CLASP2: variants seen among roughly 807,000 people sequenced by gnomAD.
CLASP2 encodes CLIP-associating protein 2.
CLASP2 carries 47 observed loss-of-function variants against 194.4 expected under a neutral mutation model. The observed-to-expected ratio is 0.24, with a 90% CI of 0.19 to 0.31. CLASP2 has a LOEUF of 0.31. Among genes scored for constraint, CLASP2 ranks in the 10% least tolerant of loss-of-function variants. CLASP2 has a pLI of 1.00. For synonymous variants in CLASP2, 619 were observed against 633.5 expected (o/e 0.98, Z 0.34); for missense variants, 1,445 against 1,823.6 (o/e 0.79, Z 3.78).
chr3:33,499,208 A>G (rs1397427677), intron 38 of CLASP2, among the ~76,000 whole-genome samples: 2 of 152,054 alleles, frequency 1.3e-5, no homozygotes, highest in Non-Finnish European at 2.9e-5. Flanking sequence ...CAGCTCTCCC[A>G]TTCTTCTCCT....
chr3:33,608,814 G>A (rs147080215), intron 13 of CLASP2, among the ~76,000 whole-genome samples, 188 bp from the exon 14 acceptor site: 33 of 142,448 alleles, frequency 2.3e-4, no homozygotes, highest in African/African-American at 6.3e-4. Flanking sequence ...GTGCAGTGGC[G>A]CGATCTCGGC....
At chr3:33,701,967 G>A (rs376129840) in intron 1 of CLASP2, among the ~76,000 whole-genome samples, 149 of 152,110 alleles carry the variant, frequency 9.8e-4, no homozygotes, top group African/African-American at 3.5e-3. Context: ...AAGATTCTTG[G>A]AGACAACATA....
chr3:33,501,614 T>C lies in CLASP2; in HGVS notation c.4434+38A>G, dbSNP rs763003262. 4.7e-6 allele frequency: 6 copies of C among 1,263,902 alleles called. No homozygotes were observed. In the South Asian group the frequency reaches 7.2e-5, roughly 15 times the overall value. 78.3% of individuals were successfully genotyped at this position (1,263,902 alleles called of 1,614,324 possible). Reference sequence around the variant, plus strand: ...TGTAACTAAGTTTTGAAAGATGTACTATGGCCACCATCTCTAAAACACAGC... The same window carrying C: ...TGTAACTAAGTTTTGAAAGATGTACCATGGCCACCATCTCTAAAACACAGC... On this transcript the variant is annotated intron_variant, in intron 38 of 38. Coordinates refer to ENST00000682230, the MANE Select transcript of CLASP2 (RefSeq NM_001365631.1).
At chr3:33,689,493 G>A (rs2091097098) in intron 3 of CLASP2, among the ~76,000 whole-genome samples, 1 of 151,808 alleles carries the variant, frequency 6.6e-6, no homozygotes, top group African/African-American at 2.4e-5. Flanking sequence ...GAACAATATA[G>A]CATTCAGTGT....
chr3:33,704,142 A>G (rs763314336), intron 1 of CLASP2, among the ~76,000 whole-genome samples: 10 of 152,238 alleles, frequency 6.6e-5, no homozygotes, highest in Non-Finnish European at 1.3e-4. Flanking sequence ...ACTATTCTGC[A>G]TAATACTATA....
intron 20 of CLASP2, among the ~76,000 whole-genome samples, chr3:33,593,637 C>A (rs2154240719): frequency 6.6e-6 from 1 of 152,220 alleles, no homozygotes; most frequent in African/African-American, 2.4e-5. Context: ...CTAATGAGCC[C>A]ATGGTTCAGG....
intron 7 of CLASP2, among the ~76,000 whole-genome samples, chr3:33,658,374 T>C (rs2084680587): frequency 6.6e-6 from 1 of 152,234 alleles, no homozygotes; most frequent in African/African-American, 2.4e-5. Flanking sequence ...AATGTGTTTT[T>C]AAAATTATCC....
chr3:33,631,406 T>C (rs1041969648), intron 9 of CLASP2, among the ~76,000 whole-genome samples: 10 of 152,228 alleles, frequency 6.6e-5, no homozygotes, highest in African/African-American at 2.4e-4. Context: ...TACAAAAATA[T>C]TCATTGCAGG....
intron 15 of CLASP2, among the ~76,000 whole-genome samples, chr3:33,607,176 A>G (rs2074056543): frequency 6.6e-6 from 1 of 152,248 alleles, no homozygotes; most frequent in Non-Finnish European, 1.5e-5. Context: ...GTTATGACAA[A>G]AAAAGAATAC....
chr3:33,540,409 A>C (rs1297902368), intron 32 of CLASP2, among the ~76,000 whole-genome samples: 1 of 151,564 alleles, frequency 6.6e-6, no homozygotes, highest in Non-Finnish European at 1.5e-5. Context: ...GCTGATTTAA[A>C]AAAATTTTTT....
Position 33,516,014 on chromosome 3 carries a change from G to A in CLASP2, c.4110+9C>T. On this transcript the variant is annotated intron_variant, in intron 36 of 38. Coordinates refer to ENST00000682230, the MANE Select transcript of CLASP2 (RefSeq NM_001365631.1). ...AATGGAATAATACTTTACCGGCCAG[G>A]TAACTTACCTCCTTATGAGGATCTT... is the stretch of plus-strand genomic sequence containing the variant. The A allele has an allele frequency of 6.2e-7, 1 of 1,602,260 alleles. No homozygotes were observed. Among genetic ancestry groups the A allele is most frequent in the Non-Finnish European group, 8.5e-7 (1 of 1,175,566 alleles).
intron 9 of CLASP2, chr3:33,627,303 C>T: frequency 2.0e-6 from 1 of 499,886 alleles, no homozygotes; most frequent in Non-Finnish European, 3.6e-6. Flanking sequence ...TCATGAATAA[C>T]TTCAAATATG....
chr3:33,675,804 G>T lies in CLASP2; in HGVS notation c.644+8555C>A, dbSNP rs1322694223. 2.1e-5 allele frequency among the ~76,000 whole-genome samples: 3 copies of T among 142,038 alleles called. 1 individual carries two copies. Among genetic ancestry groups the T allele is most frequent in the Non-Finnish European group, 4.6e-5 (3 of 64,666 alleles). The allele number at this position is 142,038 out of a possible 152,430, so 93.2% of individuals were successfully genotyped here. A position where few individuals can be genotyped will look rare whatever the true frequency, so the allele number is the denominator to read the frequency against. ...CTTATATACCAATAACAGACAAACA[G>T]CCAAATCATGAGTGAACTCCCATTC... On this transcript the variant is annotated intron_variant, in intron 6 of 38. Coordinates refer to ENST00000682230, the MANE Select transcript of CLASP2 (RefSeq NM_001365631.1).
intron 18 of CLASP2, 63 bp from the exon 19 acceptor site, chr3:33,596,797 A>G (rs1576967901): frequency 3.9e-6 from 5 of 1,298,698 alleles, no homozygotes; most frequent in East Asian, 5.1e-5. Context: ...AATGATTTTT[A>G]TAATTCCTAG....
chr3:33,529,632 T>C (rs2055620630), intron 34 of CLASP2, among the ~76,000 whole-genome samples: 1 of 152,174 alleles, frequency 6.6e-6, no homozygotes, highest in African/African-American at 2.4e-5. Context: ...ATTAGTCTAG[T>C]CCTACACAGG....
At chr3:33,500,482 T>C (rs187985756) in intron 38 of CLASP2, among the ~76,000 whole-genome samples, 1 of 152,216 alleles carries the variant, frequency 6.6e-6, no homozygotes, top group Admixed American at 6.5e-5. Context: ...GATCCAAGAG[T>C]TTTTAACCTG....
chr3:33,665,526 C>G (rs890834957), intron 6 of CLASP2, among the ~76,000 whole-genome samples: 1 of 152,166 alleles, frequency 6.6e-6, no homozygotes, highest in African/African-American at 2.4e-5. Flanking sequence ...TCAATACACT[C>G]TTCCTATGAC....
At chr3:33,545,140 T>A (rs113642853) in intron 30 of CLASP2, 112 of 189,338 alleles carry the variant, frequency 5.9e-4, no homozygotes, top group Non-Finnish European at 1.0e-3. Flanking sequence ...ACTACTACAG[T>A]ATTTTAGTTT....
At chr3:33,581,197 T>C (rs1277996217) in intron 23 of CLASP2, among the ~76,000 whole-genome samples, 2 of 152,146 alleles carry the variant, frequency 1.3e-5, no homozygotes, top group African/African-American at 4.8e-5. Flanking sequence ...ATACTGAATG[T>C]TTAAAAAATC....
Sources: gnomAD v4.1 joint callset for allele counts (sites outside exome capture counted in the v4.1 genomes callset) on GRCh38, gnomAD v4.1.1 for gene constraint, MANE v1.5 for transcripts, NCBI Gene and HGNC (gene_info 2026-07-23, HGNC 2026-07-21) for gene names.